RAB3D: variants seen among roughly 807,000 people sequenced by gnomAD.
RAB3D encodes RAB3D, member RAS oncogene family.
RAB3D carries 17 observed loss-of-function variants against 19.3 expected under a neutral mutation model. That is an observed-to-expected ratio of 0.88 (90% CI 0.60 to 1.32). The LOEUF (loss-of-function observed/expected upper bound fraction) is 1.32, where lower values mean the gene tolerates loss of function less well. Ranked by LOEUF, RAB3D falls within the 40% of genes most tolerant of loss-of-function variation. The probability of loss-of-function intolerance (pLI) is 0.00; values close to 1 mark genes in which losing one functional copy is unlikely to be tolerated. For missense variants in RAB3D, 223 were observed against 299.1 expected (o/e 0.75, Z 1.88); for synonymous variants, 103 against 119.9 (o/e 0.86, Z 0.92).
chr19:11,329,063 G>C (rs1363096236), intron 4 of RAB3D, among the ~76,000 whole-genome samples: 1 of 151,506 alleles, frequency 6.6e-6, no homozygotes, highest in Non-Finnish European at 1.5e-5. Flanking sequence ...GACTATAGGG[G>C]TGTGCCACCA....
chr19:11,325,443 G>A lies in RAB3D; in HGVS notation c.615C>T (p.Ala205=), dbSNP rs755507905. ...GCTGGGGGGCTGGAGCATCCCCCAC[G>A]GCCGGGCCTTTCCCGTTGCTGCCTG... ...SSSGSNGKGP[A]VGDAPAPQPS... is the part of the protein sequence containing the mutation. The change falls in exon 5 of 5, where the codon GCC becomes GCT. Residue 205 remains alanine (A), a synonymous_variant. Transcript: ENST00000222120. The A allele has an allele frequency of 3.7e-6, 6 of 1,608,448 alleles. No homozygotes were observed. The highest frequency in any genetic ancestry group is 1.7e-5 in the Admixed American group (1 of 59,962).
intron 4 of RAB3D, chr19:11,326,905 G>A: frequency 3.7e-6 from 2 of 542,416 alleles, no homozygotes; most frequent in South Asian, 4.6e-5. Context: ...CCACCACGCT[G>A]GGCTTCCTGC....
chr19:11,327,279 G>T (rs1367388572), intron 4 of RAB3D, among the ~76,000 whole-genome samples: 1 of 152,162 alleles, frequency 6.6e-6, no homozygotes, highest in African/African-American at 2.4e-5. Context: ...GCAGGGGCAG[G>T]ACATGAACTT....
intron 4 of RAB3D, among the ~76,000 whole-genome samples, chr19:11,334,872 A>G (rs1204999843): frequency 3.3e-5 from 5 of 152,108 alleles, no homozygotes; most frequent in East Asian, 3.9e-4. Flanking sequence ...GCAGTGAGCC[A>G]ATACGGCACC....
chr19:11,335,416 C>A, intron 4 of RAB3D, 31 bp downstream of exon 4: 1 of 1,612,382 alleles, frequency 6.2e-7, no homozygotes, highest in Non-Finnish European at 8.5e-7. Flanking sequence ...TTCTGGGAGA[C>A]CAGGGCCTGT....
chr19:11,326,630 GTCTC>G (rs747327771), intron 4 of RAB3D, among the ~76,000 whole-genome samples: 3 of 152,144 alleles, frequency 2.0e-5, no homozygotes, highest in African/African-American at 4.8e-5. Flanking sequence ...AAGAGAAACG[GTCTC>G]TCTCTATTGC....
intron 1 of RAB3D, among the ~76,000 whole-genome samples, chr19:11,338,713 CCCAG>C (rs1966920943): frequency 6.6e-6 from 1 of 152,162 alleles, no homozygotes; most frequent in African/African-American, 2.4e-5. Flanking sequence ...AGGAAACGAT[CCCAG>C]CCACTTAATT....
chr19:11,328,031 T>C (rs566378986), intron 4 of RAB3D, among the ~76,000 whole-genome samples: 1 of 151,424 alleles, frequency 6.6e-6, no homozygotes, highest in Admixed American at 6.6e-5. Context: ...ACCCAGTCTC[T>C]AAAGAAAATA....
intron 4 of RAB3D, among the ~76,000 whole-genome samples, chr19:11,326,219 T>TTA (rs753487290): frequency 7.0e-6 from 1 of 142,018 alleles, no homozygotes; most frequent in African/African-American, 2.6e-5. Context: ...GAGATTCTAT[T>TTA]AAAAAAAAAA....
chr19:11,325,485 C>T lies in RAB3D; in HGVS notation c.573G>A (p.Leu191=). 1.9e-6 allele frequency: 3 copies of T among 1,613,378 alleles called. No individual in the cohort carries two copies. Among genetic ancestry groups the T allele is most frequent in the Non-Finnish European group, 2.5e-6 (3 of 1,180,020 alleles). ...TGCTGCCTGAGCTGGAGCTGGGTTC[C>T]AGGGACTCGTTCATCTTCTCGCAGA... ...DVICEKMNES[L]EPSSSSGSNG... Residue 191 remains leucine (L), a synonymous_variant, in exon 5 of 5, where the codon CTG becomes CTA. Coordinates refer to ENST00000222120, the MANE Select transcript of RAB3D (RefSeq NM_004283.4).
chr19:11,338,392 G>A lies in RAB3D; in HGVS notation c.-61-932C>T, dbSNP rs1966918089. Among the ~76,000 whole-genome samples, 3 of 152,296 alleles carry A rather than the reference G, an allele frequency of 2.0e-5. No individual in the cohort carries two copies. The South Asian group carries it at 6.2e-4, about 32-fold the overall frequency. On this transcript the variant is annotated intron_variant, in intron 1 of 4. Coordinates refer to ENST00000222120, the MANE Select transcript of RAB3D (RefSeq NM_004283.4). ...TGGCCCAGGTGTAAGCTGGGGTGGGGTGGGGGGAGGACCTGCCAGCTGGAT... is the reference window on the plus strand; with the variant it reads ...TGGCCCAGGTGTAAGCTGGGGTGGGATGGGGGGAGGACCTGCCAGCTGGAT...
intron 4 of RAB3D, 29 bp from the exon 5 acceptor site, chr19:11,325,614 G>GT: frequency 6.9e-7 from 1 of 1,447,124 alleles, no homozygotes; most frequent in Non-Finnish European, 9.1e-7. Context: ...GGGGACACTC[G>GT]TAAGACCCCT....
Position 11,325,317 on chromosome 19 carries a change from G to A in RAB3D, c.*81C>T. ...GAGGGAAGGGATTGCCCTGAGCTTGGAGATAACCACTGTGGCTCACGCCTC... is the reference window on the plus strand; with the variant it reads ...GAGGGAAGGGATTGCCCTGAGCTTGAAGATAACCACTGTGGCTCACGCCTC... On this transcript the variant is annotated 3_prime_UTR_variant, in exon 5 of 5. Transcript: ENST00000222120. 1.1e-6 allele frequency: 1 copy of A among 896,536 alleles called. No homozygotes were observed. Among genetic ancestry groups the A allele is most frequent in the Non-Finnish European group, 1.7e-6 (1 of 590,392 alleles). The allele number at this position is 896,536 out of a possible 1,614,324, so 55.5% of individuals were successfully genotyped here.
intron 4 of RAB3D, among the ~76,000 whole-genome samples, chr19:11,329,661 G>A (rs2080829083): frequency 2.0e-5 from 3 of 151,854 alleles, no homozygotes; most frequent in Admixed American, 2.0e-4. Context: ...CAAATTCTGT[G>A]TCCTGCTTTG....
chr19:11,330,615 T>C (rs2080832251), intron 4 of RAB3D, among the ~76,000 whole-genome samples: 1 of 151,980 alleles, frequency 6.6e-6, no homozygotes, highest in African/African-American at 2.4e-5. Flanking sequence ...AGTGGCACGA[T>C]CTCGGCTCAC....
intron 2 of RAB3D, among the ~76,000 whole-genome samples, chr19:11,336,157 C>CA (rs1966893782): frequency 6.6e-6 from 1 of 152,176 alleles, no homozygotes; most frequent in South Asian, 2.1e-4. Context: ...CTCTTGCTAC[C>CA]ACGATGATTG....
chr19:11,326,575 T>C (rs1378382605), intron 4 of RAB3D, among the ~76,000 whole-genome samples: 2 of 152,186 alleles, frequency 1.3e-5, no homozygotes, highest in Non-Finnish European at 2.9e-5. Flanking sequence ...CAGAAAGGCA[T>C]GGTCAGGAGA....
intron 4 of RAB3D, among the ~76,000 whole-genome samples, chr19:11,328,270 G>A (rs1009388350): frequency 2.0e-5 from 3 of 148,388 alleles, no homozygotes; most frequent in Non-Finnish European, 4.4e-5. Context: ...GGAGGCGGAG[G>A]TTGCAGTGAG....
At position 11,325,564 on chromosome 19, in the gene RAB3D, C is replaced by A; in HGVS notation, c.494G>T (p.Ser165Ile). The A allele has an allele frequency of 6.2e-7, 1 of 1,612,222 alleles. No individual in the cohort carries two copies. The highest frequency in any genetic ancestry group is 1.1e-5 in the South Asian group (1 of 91,076). The change falls in exon 5 of 5, where the codon AGT becomes ATT. Residue 165 changes from serine to isoleucine, a missense_variant. Physicochemically the swap from Ser to Ile is moderately radical, Grantham distance 142 (BLOSUM62 -2). Coordinates refer to ENST00000222120, the MANE Select transcript of RAB3D (RefSeq NM_004283.4). ...DDLGFEFFEA[S>I]AKENINVKQV... Reference sequence around the variant, plus strand: ...CTTCACATTGATGTTCTCCTTGGCACTGGCTTCAAAGAACTCGAAACCTGG... The same window carrying A: ...CTTCACATTGATGTTCTCCTTGGCAATGGCTTCAAAGAACTCGAAACCTGG...
Sources: gnomAD v4.1 joint callset for allele counts (sites outside exome capture counted in the v4.1 genomes callset) on GRCh38, gnomAD v4.1.1 for gene constraint, MANE v1.5 for transcripts, NCBI Gene and HGNC (gene_info 2026-07-23, HGNC 2026-07-21) for gene names.